The following FRMPD4 variants were observed in gnomAD, a reference collection of about 807,000 sequenced individuals.
FRMPD4 encodes the protein FERM and PDZ domain-containing protein 4.
In FRMPD4, 22 loss-of-function variants were observed where a neutral mutation model predicts 94.1. That is an observed-to-expected ratio of 0.23 (90% CI 0.17 to 0.33). FRMPD4 has a LOEUF of 0.33. Ranked by LOEUF, FRMPD4 falls within the 10% of genes least tolerant of loss-of-function variation. The pLI, the probability that FRMPD4 is intolerant of heterozygous loss-of-function variation, is 1.00. For missense variants in FRMPD4, 1,111 were observed against 1,339.9 expected (o/e 0.83, Z 2.67); for synonymous variants, 631 against 548.6 (o/e 1.15, Z -2.10).
At chrX:12,528,402 C>G (rs1310322494) in intron 2 of FRMPD4, among the ~76,000 whole-genome samples, 1 of 103,501 alleles carries the variant, frequency 9.7e-6, no homozygotes, top group African/African-American at 3.6e-5. Context: ...CTCACTGCAA[C>G]CTCCACCTTC....
rs190968199 is a variant in FRMPD4 at position 12,694,474 on chromosome X, T to A, written c.933+20T>A. The A allele has an allele frequency of 5.9e-5, 68 of 1,151,367 alleles. 1 individual carries two copies. The Middle Eastern group carries it at 5.2e-3, about 89-fold the overall frequency. The allele number at this position is 1,151,367 out of a possible 1,213,427, so 94.9% of individuals were successfully genotyped here. ...GTTCAGGTATGTTAAAATTTTGGCA[T>A]GTTTTATATCAATGTTGTGATATAA... On this transcript the variant is annotated intron_variant, in intron 9 of 16. Transcript: ENST00000675598.
At chrX:12,487,610 G>T (rs2057752725) in intron 1 of FRMPD4, among the ~76,000 whole-genome samples, 1 of 112,179 alleles carries the variant, frequency 8.9e-6, no homozygotes, top group African/African-American at 3.2e-5. Context: ...ATGAGGCTTG[G>T]TGCACTTTCT....
intron 2 of FRMPD4, among the ~76,000 whole-genome samples, chrX:12,600,869 C>T (rs2059078821): frequency 8.9e-6 from 1 of 111,810 alleles, no homozygotes; most frequent in African/African-American, 3.2e-5. Context: ...GCTAGACAAC[C>T]ATAGCATTTT....
At chrX:11,869,754 C>T (rs1041524978) in intron 2 of FRMPD4, among the ~76,000 whole-genome samples, 1 of 111,602 alleles carries the variant, frequency 9.0e-6, no homozygotes, top group Non-Finnish European at 1.9e-5. Context: ...AGGAAGAAAA[C>T]TCTGTCTTGA....
At chrX:11,861,629 A>T (rs1404285678) in intron 1 of FRMPD4, among the ~76,000 whole-genome samples, 1 of 111,459 alleles carries the variant, frequency 9.0e-6, no homozygotes, top group Non-Finnish European at 1.9e-5. Flanking sequence ...CCTGAGGTCT[A>T]CTATAGAGAT....
At position 12,344,550 on chromosome X, in the gene FRMPD4, G is replaced by C. The variant is rs138470976; in HGVS notation, c.42-154130G>C. On this transcript the variant is annotated intron_variant, in intron 1 of 16. Coordinates refer to ENST00000675598, the MANE Select transcript of FRMPD4 (RefSeq NM_001368397.1). ...TTTCTTTATTATTCACCATCATTAG[G>C]AAGTCAGAGAGGATGAATTTTAATG... Among the ~76,000 whole-genome samples, 816 of 111,925 alleles carry C rather than the reference G, an allele frequency of 7.3e-3. 7 individuals are homozygous for C. Among genetic ancestry groups the C allele is most frequent in the African/African-American group, 0.025 (768 of 30,858 alleles).
At chrX:12,508,004 G>A (rs775346529) in intron 2 of FRMPD4, among the ~76,000 whole-genome samples, 1 of 112,124 alleles carries the variant, frequency 8.9e-6, no homozygotes, top group African/African-American at 3.2e-5. Flanking sequence ...CTGAATACAA[G>A]TGCAAATAAT....
At chrX:12,456,242 T>G (rs2148146948) in intron 1 of FRMPD4, among the ~76,000 whole-genome samples, 1 of 112,130 alleles carries the variant, frequency 8.9e-6, no homozygotes, top group South Asian at 3.8e-4. Context: ...GTCTTCTTTC[T>G]CCATCTCTTT....
At chrX:12,627,813 A>G (rs1228250869) in intron 4 of FRMPD4, among the ~76,000 whole-genome samples, 1 of 112,129 alleles carries the variant, frequency 8.9e-6, no homozygotes, top group Non-Finnish European at 1.9e-5. Context: ...CATGTTTTCA[A>G]TGATCTCATA....
intron 3 of FRMPD4, among the ~76,000 whole-genome samples, chrX:12,076,374 G>GTGTGT (rs2055017370): frequency 9.4e-6 from 1 of 106,692 alleles, no homozygotes; most frequent in African/African-American, 3.4e-5. Flanking sequence ...GTGTGTGTGT[G>GTGTGT]GAGAGAGAGA....
chrX:12,622,002 GAAAGAAAGAAAGA>G (rs2059298408), intron 4 of FRMPD4, among the ~76,000 whole-genome samples: 6 of 47,444 alleles, frequency 1.3e-4, no homozygotes, highest in East Asian at 1.1e-3. Context: ...AAGAAAGAAA[GAAAGAAAGAAAGA>G]AAGGAAGGAA....
chrX:12,560,496 A>C (rs974262172), intron 2 of FRMPD4, among the ~76,000 whole-genome samples: 56 of 97,387 alleles, frequency 5.8e-4, no homozygotes, highest in African/African-American at 2.0e-3. Flanking sequence ...AAAAAAAAAA[A>C]AACCCAGCAA....
intron 7 of FRMPD4, among the ~76,000 whole-genome samples, chrX:12,688,426 G>A (rs1261942335): frequency 8.9e-6 from 1 of 112,440 alleles, no homozygotes; most frequent in Non-Finnish European, 1.9e-5. Flanking sequence ...ACAATGAGAA[G>A]ACAGGAAGAA....
In FRMPD4 at chrX:12,716,306, C is replaced by A; in HGVS notation, c.1847C>A (p.Ala616Asp). The stretch of plus-strand genomic sequence containing the variant: ...CAGCAGCTGAGCCAGCCCGGGGAGG[C>A]CCCCTGTGAGGCAGACTACAGAAGT... ...LNQQLSQPGE[A>D]PCEADYRSLA... The change falls in exon 15 of 17, where the codon GCC (alanine) becomes GAC (aspartate). Residue 616 changes from alanine (A) to aspartate (D), a missense_variant. Ala to Asp is a moderately radical substitution (Grantham distance 126). Transcript: ENST00000675598. The A allele has an allele frequency of 3.3e-6, 4 of 1,210,147 alleles. No homozygotes were observed. The highest frequency in any genetic ancestry group is 4.5e-6 in the Non-Finnish European group (4 of 893,978).
At chrX:11,839,016 C>CT (rs778850728) in intron 1 of FRMPD4, among the ~76,000 whole-genome samples, 32 of 111,698 alleles carry the variant, frequency 2.9e-4, no homozygotes, top group African/African-American at 1.0e-3. Flanking sequence ...GAATTGCTGG[C>CT]TTGTATATTC....
intron 2 of FRMPD4, among the ~76,000 whole-genome samples, chrX:11,866,619 C>T (rs1028324280): frequency 9.0e-6 from 1 of 111,614 alleles, no homozygotes. Context: ...GTATATAGAT[C>T]ATTACAAATA....
chrX:12,483,221 A>G (rs2057706620), intron 1 of FRMPD4, among the ~76,000 whole-genome samples: 3 of 112,105 alleles, frequency 2.7e-5, no homozygotes, highest in South Asian at 7.4e-4. Context: ...TCTACAGACA[A>G]CGAAGTGGAG....
chrX:12,537,753 T>C (rs1392064023), intron 2 of FRMPD4, among the ~76,000 whole-genome samples: 1 of 110,267 alleles, frequency 9.1e-6, no homozygotes. Flanking sequence ...GACTGGCCTA[T>C]ATAGTTTTTC....
At chrX:12,309,034 C>T (rs920192051) in intron 1 of FRMPD4, among the ~76,000 whole-genome samples, 1 of 112,443 alleles carries the variant, frequency 8.9e-6, no homozygotes, top group Non-Finnish European at 1.9e-5. Context: ...GAAAGGACTA[C>T]GGAGTAAATA....
Sources: allele counts gnomAD v4.1 joint callset (sites outside exome capture counted in the v4.1 genomes callset), GRCh38; gene constraint gnomAD v4.1.1; transcripts MANE v1.5; gene names NCBI Gene and HGNC (gene_info 2026-07-23, HGNC 2026-07-21).